SRGAP2: variants seen among roughly 807,000 people sequenced by gnomAD.
SRGAP2 encodes the protein SLIT-ROBO Rho GTPase-activating protein 2.
Under a neutral mutation model 57.2 loss-of-function variants are expected in SRGAP2, and 15 were observed. The observed-to-expected ratio is 0.26, with a 90% CI of 0.18 to 0.40. The LOEUF is 0.40. Among genes scored for constraint, SRGAP2 ranks in the 10% least tolerant of loss-of-function variants. SRGAP2 has a pLI of 1.00. For missense variants in SRGAP2, 520 were observed against 669.6 expected (o/e 0.78, Z 2.47); for synonymous variants, 249 against 248.0 (o/e 1.00, Z -0.04).
Position 206,458,873 on chromosome 1 carries a change from C to G in SRGAP2, c.2758C>G (p.Arg920Gly). The G allele has an allele frequency of 1.3e-6, 1 of 780,420 alleles. No individual in the cohort carries two copies. The highest frequency in any genetic ancestry group is 2.4e-6 in the Non-Finnish European group (1 of 417,794). The allele number at this position is 780,420 out of a possible 1,614,324, so 48.3% of individuals were successfully genotyped here. A position where few individuals can be genotyped will look rare whatever the true frequency, so the allele number is the denominator to read the frequency against. Residue 920 changes from arginine to glycine, a missense_variant, in exon 22 of 23, where the codon CGG (arginine) becomes GGG (glycine). Physicochemically the swap from Arg to Gly is moderately radical, Grantham distance 125 (BLOSUM62 -2). This residue lies in a region of SRGAP2 where 478 missense variants were observed against 373.6 expected (regional missense o/e 1.28). Transcript: ENST00000573034. ...GAATCGGCTGGATAGTCCACAGATC[C>G]GGAAGACTGCCACAGCGGGAAGGTC... ...LKNRLDSPQIRKTATAGRSKS... is the reference protein window; with the variant it reads ...LKNRLDSPQIGKTATAGRSKS...
chr1:206,335,288 A>G (rs1553333389), intron 3 of SRGAP2, among the ~76,000 whole-genome samples: 1 of 151,912 alleles, frequency 6.6e-6, no homozygotes, highest in Non-Finnish European at 1.5e-5. Context: ...AAGCCTCTTT[A>G]TTCATTCCTC....
chr1:206,273,857 G>A (rs1670260089), intron 2 of SRGAP2, among the ~76,000 whole-genome samples: 1 of 150,862 alleles, frequency 6.6e-6, no homozygotes, highest in Non-Finnish European at 1.5e-5. Context: ...CTTCTACAAC[G>A]GGATATTGGG....
In SRGAP2 at chr1:206,454,574, C is replaced by A. The variant is rs1347860967; in HGVS notation, c.2361-304C>A. The A allele has an allele frequency of 2.4e-6, 1 of 424,108 alleles. No individual in the cohort carries two copies. The highest frequency in any genetic ancestry group is 4.2e-6 in the Non-Finnish European group (1 of 239,450). The allele number at this position is 424,108 out of a possible 1,614,324, so 26.3% of individuals were successfully genotyped here. ...CAGGAGGCCGCCCCAGCACGGCCTCCCCAGGAAGCAGCATGGGGTAGAAGG... is the reference window on the plus strand; with the variant it reads ...CAGGAGGCCGCCCCAGCACGGCCTCACCAGGAAGCAGCATGGGGTAGAAGG... On this transcript the variant is annotated intron_variant, in intron 20 of 22. Transcript: ENST00000573034. This position sits in a 1 kb window ranked among gnomAD's most constrained non-coding sequence, Gnocchi z 4.3.
At chr1:206,328,319 AC>A (rs1190007385) in intron 3 of SRGAP2, among the ~76,000 whole-genome samples, 1 of 116,338 alleles carries the variant, frequency 8.6e-6, no homozygotes, top group African/African-American at 4.0e-5. Context: ...TTGGGTATAT[AC>A]CCAGTAATGC....
At chr1:206,301,263 C>G (rs1671856771) in intron 2 of SRGAP2, among the ~76,000 whole-genome samples, 1 of 152,062 alleles carries the variant, frequency 6.6e-6, no homozygotes, top group Non-Finnish European at 1.5e-5. Context: ...TCTCGATCTC[C>G]TGACCTTGTG....
At chr1:206,418,886 C>CTGTGTGTGTGTGTGTG (rs1215636072) in intron 11 of SRGAP2, among the ~76,000 whole-genome samples, 3 of 107,342 alleles carry the variant, frequency 2.8e-5, no homozygotes, top group Non-Finnish European at 5.4e-5. Flanking sequence ...CTCCAACTCT[C>CTGTGTGTGTGTGTGTG]TCTGTGTGTG....
intron 3 of SRGAP2, among the ~76,000 whole-genome samples, chr1:206,314,728 T>C (rs1553325415): frequency 3.9e-5 from 6 of 151,960 alleles, no homozygotes. Context: ...TCATCTGTGA[T>C]ACTCAGATTA....
chr1:206,328,672 A>C (rs1485251177), intron 3 of SRGAP2, among the ~76,000 whole-genome samples: 1 of 60,906 alleles, frequency 1.6e-5, no homozygotes, highest in African/African-American at 8.0e-5. Flanking sequence ...TTTTTCTTGT[A>C]AATTTGTTTG....
chr1:206,265,547 C>T, intron 2 of SRGAP2, among the ~76,000 whole-genome samples: 1 of 75,112 alleles, frequency 1.3e-5, no homozygotes, highest in Middle Eastern at 4.9e-3. Flanking sequence ...CTCCTAAAGT[C>T]CTAGAAAGAC....
intron 10 of SRGAP2, among the ~76,000 whole-genome samples, chr1:206,415,182 C>T (rs1339848595): frequency 1.3e-5 from 2 of 152,236 alleles, no homozygotes; most frequent in South Asian, 2.1e-4. Context: ...ACTGGGCAGA[C>T]GAGGGTTGAG....
chr1:206,255,658 T>C (rs1669139281), intron 2 of SRGAP2, among the ~76,000 whole-genome samples: 1 of 127,166 alleles, frequency 7.9e-6, no homozygotes, highest in Admixed American at 7.8e-5. Context: ...CAAGTCATCC[T>C]CACAGTTGTC....
rs1445971378 is a variant in SRGAP2, at chr1:206,463,480, A to G, written c.*2060A>G. The G allele has an allele frequency of 2.6e-5, 4 of 152,600 alleles. No homozygotes were observed. The highest frequency in any genetic ancestry group is 1.3e-4 in the Admixed American group (2 of 15,278). The allele number at this position is 152,600 out of a possible 1,614,324, so 9.5% of individuals were successfully genotyped here. ...ATCCAACTGATCAAAACTGGTACCC[A>G]CACTTGCCCTTTCTCCCTCTCTCCA... On this transcript the variant is annotated 3_prime_UTR_variant, in exon 23 of 23. Coordinates refer to ENST00000573034, the MANE Select transcript of SRGAP2 (RefSeq NM_015326.5).
At chr1:206,314,249 C>T (rs1348931384) in intron 3 of SRGAP2, among the ~76,000 whole-genome samples, 2 of 151,848 alleles carry the variant, frequency 1.3e-5, no homozygotes, top group Non-Finnish European at 2.9e-5. Context: ...ATTCTCCTGC[C>T]TCAGCCTCCT....
chr1:206,318,609 T>C (rs1483139326), intron 3 of SRGAP2, among the ~76,000 whole-genome samples: 3 of 152,252 alleles, frequency 2.0e-5, no homozygotes, highest in Non-Finnish European at 4.4e-5. Context: ...GATTGGCTCA[T>C]GGTTCTGCAG....
chr1:206,321,736 T>G (rs1375496779), intron 3 of SRGAP2, among the ~76,000 whole-genome samples: 1 of 148,030 alleles, frequency 6.8e-6, no homozygotes, highest in South Asian at 2.2e-4. Context: ...AATGTTCATA[T>G]TGTTCTATAT....
At chr1:206,430,653 A>G (rs1661209044) in intron 14 of SRGAP2, among the ~76,000 whole-genome samples, 1 of 152,178 alleles carries the variant, frequency 6.6e-6, no homozygotes, top group Non-Finnish European at 1.5e-5. Flanking sequence ...AGTGATTCCT[A>G]ATAATCAGTT....
At chr1:206,253,743 G>A (rs530971921) in intron 2 of SRGAP2, among the ~76,000 whole-genome samples, 2 of 150,728 alleles carry the variant, frequency 1.3e-5, no homozygotes, top group East Asian at 1.9e-4. Flanking sequence ...CACCAGGCCC[G>A]GCTAATTTTT....
intron 4 of SRGAP2, among the ~76,000 whole-genome samples, chr1:206,373,741 A>G (rs1262739899): frequency 1.1e-5 from 1 of 93,076 alleles, no homozygotes; most frequent in East Asian, 3.1e-4. Flanking sequence ...CTCAAAAAAG[A>G]AGAGAGAGAG....
chr1:206,378,629 A>G (rs1373954024), intron 4 of SRGAP2, among the ~76,000 whole-genome samples: 2 of 152,198 alleles, frequency 1.3e-5, no homozygotes, highest in Admixed American at 6.5e-5. Flanking sequence ...AGGATTGTAA[A>G]TGCACCAATC....
Sources: allele counts gnomAD v4.1 joint callset (sites outside exome capture counted in the v4.1 genomes callset), GRCh38; gene constraint gnomAD v4.1.1; regional missense constraint gnomAD v4.1.1; non-coding constraint Gnocchi (gnomAD v3.1); transcripts MANE v1.5; gene names NCBI Gene and HGNC (gene_info 2026-07-23, HGNC 2026-07-21).